HS6ST2: variants seen among roughly 807,000 people sequenced by gnomAD.
HS6ST2 encodes heparan sulfate 6-O-sulfotransferase 2.
In HS6ST2, 17 loss-of-function variants were observed where a neutral mutation model predicts 33.0. The ratio of observed to expected loss-of-function variants is 0.52; its 90% confidence interval spans 0.35 to 0.77. HS6ST2 has a LOEUF of 0.77. Ranked by LOEUF, HS6ST2 falls within the 30% of genes least tolerant of loss-of-function variation. The probability of loss-of-function intolerance (pLI) is 0.01; values close to 1 mark genes in which losing one functional copy is unlikely to be tolerated. For missense variants in HS6ST2, 519 were observed against 551.7 expected, an observed-to-expected ratio of 0.94 and a Z score of 0.59; for synonymous variants, 248 against 237.1, an observed-to-expected ratio of 1.05 and a Z score of -0.42.
chrX:132,894,540 G>T (rs2066355391), intron 2 of HS6ST2, among the ~76,000 whole-genome samples: 1 of 107,094 alleles, frequency 9.3e-6, no homozygotes, highest in Admixed American at 1.0e-4. Flanking sequence ...TTATTTTGAT[G>T]TTATTTTCTT....
chrX:132,745,546 C>G (rs2064631173), intron 2 of HS6ST2, among the ~76,000 whole-genome samples: 1 of 112,086 alleles, frequency 8.9e-6, no homozygotes, highest in Non-Finnish European at 1.9e-5. Context: ...TACCCTTACC[C>G]ATGTGCTTGA....
At chrX:132,901,524 C>A (rs2066425932) in intron 2 of HS6ST2, among the ~76,000 whole-genome samples, 1 of 110,853 alleles carries the variant, frequency 9.0e-6, no homozygotes, top group African/African-American at 3.3e-5. Context: ...TGAGCATCCA[C>A]CATAGTAAAA....
At chrX:132,833,139 T>A (rs755326479) in intron 2 of HS6ST2, among the ~76,000 whole-genome samples, 18 of 112,187 alleles carry the variant, frequency 1.6e-4, no homozygotes, top group East Asian at 1.4e-3. Context: ...TTCATTTTTT[T>A]AAAATGATTA....
At chrX:132,867,632 C>A (rs1487879483) in intron 2 of HS6ST2, among the ~76,000 whole-genome samples, 1 of 111,508 alleles carries the variant, frequency 9.0e-6, no homozygotes, top group Non-Finnish European at 1.9e-5. Flanking sequence ...GGTTGGTAAG[C>A]TATTGATTAT....
At chrX:132,781,168 C>T (rs925712458) in intron 2 of HS6ST2, among the ~76,000 whole-genome samples, 1 of 112,039 alleles carries the variant, frequency 8.9e-6, no homozygotes, top group Non-Finnish European at 1.9e-5. Context: ...AAACTTCTGA[C>T]AGGAGATAAA....
chrX:132,642,847 A>G (rs767625922), intron 4 of HS6ST2, among the ~76,000 whole-genome samples: 60 of 112,618 alleles, frequency 5.3e-4, no homozygotes, highest in Middle Eastern at 4.6e-3. Context: ...CAAGCGTTCT[A>G]TAAGTTTCGT....
At chrX:132,720,177 G>A (rs1205994743) in intron 2 of HS6ST2, among the ~76,000 whole-genome samples, 1 of 112,517 alleles carries the variant, frequency 8.9e-6, no homozygotes, top group Non-Finnish European at 1.9e-5. Flanking sequence ...GTAGGAAGAA[G>A]AATTCAGAAC....
intron 2 of HS6ST2, among the ~76,000 whole-genome samples, chrX:132,763,131 A>G (rs2064817370): frequency 8.9e-6 from 1 of 112,029 alleles, no homozygotes; most frequent in African/African-American, 3.2e-5. Context: ...ACAGGCTCGA[A>G]TAACTGAGCA....
chrX:132,669,590 A>G (rs2063845143), intron 3 of HS6ST2: 1 of 116,946 alleles, frequency 8.6e-6, no homozygotes. Flanking sequence ...TTACATGTTC[A>G]GTTCTGAAGC....
intron 4 of HS6ST2, among the ~76,000 whole-genome samples, chrX:132,659,574 T>A (rs1052384427): frequency 1.4e-5 from 1 of 72,140 alleles, no homozygotes; most frequent in Non-Finnish European, 2.2e-5. Context: ...CATAATCCTA[T>A]CCCATCTGAG....
rs2065304607 is a variant in HS6ST2, at chrX:132,808,275, A to G, written c.948-99781T>C. Among the ~76,000 whole-genome samples the G allele has an allele frequency of 2.7e-5, 3 of 112,189 alleles. No individual in the cohort carries two copies. In the South Asian group the frequency reaches 1.1e-3, roughly 42 times the overall value. On this transcript the variant is annotated intron_variant, in intron 2 of 4. Coordinates refer to ENST00000370833, the MANE Select transcript of HS6ST2 (RefSeq NM_001394073.1). The stretch of plus-strand genomic sequence containing the variant: ...TGTCACACTCCACACTTAAATTAAC[A>G]TGCCTTTCTTCCTAATAGGGAAAAA...
At chrX:132,911,286 C>G (rs1282620702) in intron 2 of HS6ST2, among the ~76,000 whole-genome samples, 1 of 111,437 alleles carries the variant, frequency 9.0e-6, no homozygotes, top group African/African-American at 3.3e-5. Flanking sequence ...CTGATCCCAT[C>G]CTGCTCCTAC....
intron 3 of HS6ST2, among the ~76,000 whole-genome samples, chrX:132,672,555 T>C (rs753796339): frequency 2.7e-5 from 3 of 111,415 alleles, no homozygotes; most frequent in Non-Finnish European, 3.8e-5. Flanking sequence ...CTCTCTCTAG[T>C]GCCTCACAAC....
intron 2 of HS6ST2, among the ~76,000 whole-genome samples, chrX:132,786,070 A>T (rs2065057961): frequency 8.9e-6 from 1 of 112,125 alleles, no homozygotes; most frequent in African/African-American, 3.2e-5. Flanking sequence ...GGGAATCATA[A>T]TAGTTTCTAC....
intron 2 of HS6ST2, among the ~76,000 whole-genome samples, chrX:132,832,794 T>C (rs998008370): frequency 8.9e-6 from 1 of 112,194 alleles, no homozygotes; most frequent in Non-Finnish European, 1.9e-5. Context: ...CTTGTTCTTG[T>C]TGTCAGTAAC....
chrX:132,872,425 G>A (rs1057219465), intron 2 of HS6ST2, among the ~76,000 whole-genome samples: 17 of 111,565 alleles, frequency 1.5e-4, no homozygotes, highest in African/African-American at 5.2e-4. Flanking sequence ...GAGACTCCTC[G>A]TTTTACAGAT....
chrX:132,791,203 C>T (rs1421675549), intron 2 of HS6ST2, among the ~76,000 whole-genome samples: 1 of 111,604 alleles, frequency 9.0e-6, no homozygotes, highest in African/African-American at 3.3e-5. Flanking sequence ...TGGTCAAAGA[C>T]ATGGAATGGT....
intron 3 of HS6ST2, among the ~76,000 whole-genome samples, chrX:132,672,796 C>G (rs899523612): frequency 8.9e-6 from 1 of 112,420 alleles, no homozygotes. Context: ...AACTCTTCAG[C>G]ATTTTCAGTG....
chrX:132,669,139 C>G lies in HS6ST2; in HGVS notation c.1041G>C (p.Lys347Asn), dbSNP rs754041049. ...TCCCACTCTTAGATGTGTTCCGGGT[C>G]TTTGTGGATGACGGAGAGTTGGCGC... ...NAGANSPSSTKTRNTSKSGKN... is the reference protein window; with the variant it reads ...NAGANSPSSTNTRNTSKSGKN... Residue 347 changes from lysine to asparagine, a missense_variant, in exon 4 of 5, where the codon AAG becomes AAC. By Grantham distance (94) the Lys-to-Asn change is moderately conservative. Transcript: ENST00000370833. 1 of 1,207,615 alleles carries G rather than the reference C, an allele frequency of 8.3e-7. No homozygotes were observed.
Sources: gnomAD v4.1 joint callset for allele counts (sites outside exome capture counted in the v4.1 genomes callset) on GRCh38, gnomAD v4.1.1 for gene constraint, MANE v1.5 for transcripts, NCBI Gene and HGNC (gene_info 2026-07-23, HGNC 2026-07-21) for gene names.